The following AP1B1 variants were observed in gnomAD, a reference collection of about 807,000 sequenced individuals.
AP1B1 encodes the protein adaptor related protein complex 1 subunit beta 1, also known as AP-1 complex subunit beta-1.
In AP1B1, 36 loss-of-function variants were observed where a neutral mutation model predicts 104.3. The observed-to-expected ratio is 0.35, with a 90% CI of 0.26 to 0.46. The LOEUF is 0.46. AP1B1 is among the 20% of genes least tolerant of loss of function. AP1B1 has a pLI of 1.00. For synonymous variants in AP1B1, 504 were observed against 517.5 expected (o/e 0.97, Z 0.35); for missense variants, 901 against 1,247.9 (o/e 0.72, Z 4.19).
rs2061516205 is a variant in AP1B1, at chr22:29,328,945, CT to C, written c.2776-51del. 3 of 1,580,472 alleles carry C rather than the reference CT, an allele frequency of 1.9e-6. No homozygotes were observed. Among genetic ancestry groups the C allele is most frequent in the Non-Finnish European group, 2.6e-6 (3 of 1,166,250 alleles). On this transcript the variant is annotated intron_variant, in intron 22 of 22. Coordinates refer to ENST00000357586, the MANE Select transcript of AP1B1 (RefSeq NM_001127.4). The surrounding 1 kb of genome is among the most constrained non-coding windows in gnomAD (Gnocchi z 4.1). ...GAAAGAGCGCTCATCCCTGGGGTTC[CT>C]CTCAGGAAGGAAAGGGGTGGGGAAG...
intron 17 of AP1B1, 98 bp downstream of exon 17, chr22:29,334,167 C>A: frequency 8.0e-4 from 704 of 875,008 alleles, no homozygotes; most frequent in Middle Eastern, 1.2e-3. Flanking sequence ...CTCCCCTCTA[C>A]AGCCCCCACC....
At chr22:29,330,731 G>A in intron 19 of AP1B1, 22 bp from the exon 20 acceptor site, 1 of 1,596,838 alleles carries the variant, frequency 6.3e-7, no homozygotes, top group Non-Finnish European at 8.5e-7. Context: ...GCAGGGTGGG[G>A]ATGAGAGGCG....
At chr22:29,337,312 C>T (rs543397551) in intron 16 of AP1B1, among the ~76,000 whole-genome samples, 8 of 152,302 alleles carry the variant, frequency 5.3e-5, no homozygotes, top group African/African-American at 1.2e-4. Flanking sequence ...GACGTGCTGG[C>T]GGTGGCTGTG....
intron 22 of AP1B1, chr22:29,329,409 C>T (rs2061523406): frequency 3.9e-6 from 5 of 1,288,018 alleles, no homozygotes; most frequent in Non-Finnish European, 4.9e-6. Context: ...GAGAGAGGAG[C>T]CCCCACCCAT....
At chr22:29,331,714 C>T in intron 18 of AP1B1, 73 bp downstream of exon 18, 3 of 1,613,128 alleles carry the variant, frequency 1.9e-6, no homozygotes, top group Non-Finnish European at 2.5e-6. Flanking sequence ...CAGACACGAC[C>T]TTCTACTGAC....
chr22:29,356,694 T>G (rs1376230017), intron 5 of AP1B1, 78 bp from the exon 6 acceptor site: 1 of 1,360,454 alleles, frequency 7.4e-7, no homozygotes, highest in Non-Finnish European at 1.0e-6. Context: ...TGATGCTGGC[T>G]GGTCAGAGGT....
At position 29,373,724 on chromosome 22, in the gene AP1B1, G is replaced by A. The variant is rs549048653; in HGVS notation, c.-27-6454C>T. Among the ~76,000 whole-genome samples the A allele has an allele frequency of 4.6e-5, 7 of 152,082 alleles. No individual in the cohort carries two copies. In the South Asian group the frequency reaches 6.2e-4, roughly 14 times the overall value. ...TCGAGACTGGCCTGGCTAACATGGTGAAACCCGTCTCTAGTAAAAATACAA... is the reference window on the plus strand; with the variant it reads ...TCGAGACTGGCCTGGCTAACATGGTAAAACCCGTCTCTAGTAAAAATACAA... On this transcript the variant is annotated intron_variant, in intron 1 of 22. Transcript: ENST00000357586.
intron 21 of AP1B1, 149 bp from the exon 22 acceptor site, chr22:29,329,869 T>C: frequency 6.7e-7 from 1 of 1,484,116 alleles, no homozygotes; most frequent in Non-Finnish European, 9.0e-7. Flanking sequence ...GGGCCATGCC[T>C]GCCAGAGACT....
chr22:29,350,184 C>G (rs766699651), intron 9 of AP1B1, 34 bp from the exon 10 acceptor site: 19 of 1,566,950 alleles, frequency 1.2e-5, no homozygotes, highest in Non-Finnish European at 1.5e-5. Context: ...GGCGAGGTCC[C>G]CGCACCCCAT....
At chr22:29,343,879 G>A (rs1224440302) in intron 11 of AP1B1, among the ~76,000 whole-genome samples, 2 of 152,144 alleles carry the variant, frequency 1.3e-5, no homozygotes, top group Non-Finnish European at 1.5e-5. Flanking sequence ...GGGAGGCCTC[G>A]GTGGTTGGAT....
intron 11 of AP1B1, among the ~76,000 whole-genome samples, chr22:29,345,589 C>T (rs188081052): frequency 1.6e-3 from 236 of 151,120 alleles, no homozygotes; most frequent in African/African-American, 5.3e-3. Context: ...AGGTTGGTCT[C>T]GAACTCCTGG....
chr22:29,347,078 G>T (rs1048380141), intron 11 of AP1B1, among the ~76,000 whole-genome samples: 3 of 152,156 alleles, frequency 2.0e-5, no homozygotes, highest in African/African-American at 7.2e-5. Context: ...GGGAGTTATT[G>T]TGCCATAAGG....
intron 5 of AP1B1, among the ~76,000 whole-genome samples, chr22:29,357,852 T>C (rs1235381033): frequency 6.6e-6 from 1 of 151,884 alleles, no homozygotes; most frequent in East Asian, 1.9e-4. Flanking sequence ...CACACCCGGC[T>C]AATTTTTGTA....
chr22:29,351,918 C>G, intron 7 of AP1B1, 93 bp from the exon 8 acceptor site: 4 of 1,515,616 alleles, frequency 2.6e-6, no homozygotes, highest in East Asian at 2.3e-5. Flanking sequence ...TTTCTGGGGT[C>G]TGAGGTGGAG....
In AP1B1 at chr22:29,342,307, T is replaced by C. The variant is rs1261560487; in HGVS notation, c.1514A>G (p.Gln505Arg). Residue 505 changes from glutamine (Q) to arginine (R), a missense_variant, in exon 12 of 23, where the codon CAG becomes CGG. Around this residue, in one of 3 missense-constraint regions of AP1B1, gnomAD observed 471 missense variants for 696.7 expected, o/e 0.68. Transcript: ENST00000357586. ...CACCTGAGTGGCCAAACTGAGGACCTGCTGCACCAGCTCCTGGGTCTCTGT... is the reference window on the plus strand; with the variant it reads ...CACCTGAGTGGCCAAACTGAGGACCCGCTGCACCAGCTCCTGGGTCTCTGT... ...KPTETQELVQ[Q>R]VLSLATQDSD... is the part of the protein sequence containing the mutation. 1 of 1,614,058 alleles carries C rather than the reference T, an allele frequency of 6.2e-7. No individual in the cohort carries two copies. Among genetic ancestry groups the C allele is most frequent in the Non-Finnish European group, 8.5e-7 (1 of 1,179,972 alleles).
chr22:29,335,678 G>C (rs2061627911), intron 16 of AP1B1, among the ~76,000 whole-genome samples: 1 of 152,098 alleles, frequency 6.6e-6, no homozygotes, highest in Non-Finnish European at 1.5e-5. Flanking sequence ...TCCTGCAATG[G>C]CCTCCACGGG....
At chr22:29,340,585 T>C (rs1311259596) in intron 14 of AP1B1, 71 bp downstream of exon 14, 1 of 1,430,904 alleles carries the variant, frequency 7.0e-7, no homozygotes, top group East Asian at 2.5e-5. Context: ...GTGCCTGGCA[T>C]GGAGGGGCAT....
chr22:29,339,821 GA>G, intron 14 of AP1B1, 47 bp from the exon 15 acceptor site: 1 of 1,585,996 alleles, frequency 6.3e-7, no homozygotes, highest in South Asian at 1.1e-5. Context: ...GCCACATGCA[GA>G]GAGAAAAAGC....
intron 1 of AP1B1, among the ~76,000 whole-genome samples, chr22:29,371,719 C>A (rs1051027452): frequency 6.6e-6 from 1 of 151,708 alleles, no homozygotes; most frequent in Admixed American, 6.6e-5. Flanking sequence ...CAGAGTGAGA[C>A]TCCGTCTCAA....
Sources: allele counts gnomAD v4.1 joint callset (sites outside exome capture counted in the v4.1 genomes callset), GRCh38; gene constraint gnomAD v4.1.1; regional missense constraint gnomAD v4.1.1; non-coding constraint Gnocchi (gnomAD v3.1); transcripts MANE v1.5; gene names NCBI Gene and HGNC (gene_info 2026-07-23, HGNC 2026-07-21).